MIA2: variants seen among roughly 807,000 people sequenced by gnomAD.
MIA2 encodes MIA SH3 domain ER export factor 2, also known as melanoma inhibitory activity protein 2.
In MIA2, 127 loss-of-function variants were observed where a neutral mutation model predicts 167.8. That is an observed-to-expected ratio of 0.76 (90% CI 0.66 to 0.88). The LOEUF (loss-of-function observed/expected upper bound fraction) is 0.88, where lower values mean the gene tolerates loss of function less well. Ranked by LOEUF, MIA2 falls within the 40% of genes least tolerant of loss-of-function variation. The pLI is 0.00. For missense variants in MIA2, 1,690 were observed against 1,624.7 expected, an observed-to-expected ratio of 1.04 and a Z score of -0.69; for synonymous variants, 552 against 541.9, an observed-to-expected ratio of 1.02 and a Z score of -0.26.
chr14:39,245,557 T>C (rs2054262196), intron 3 of MIA2, among the ~76,000 whole-genome samples: 1 of 152,188 alleles, frequency 6.6e-6, no homozygotes, highest in Admixed American at 6.5e-5. Flanking sequence ...GAAATTCCCC[T>C]CTTAGTCAAT....
intron 23 of MIA2, among the ~76,000 whole-genome samples, chr14:39,362,813 T>G (rs2074716285): frequency 6.6e-6 from 1 of 152,186 alleles, no homozygotes; most frequent in Non-Finnish European, 1.5e-5. Flanking sequence ...AGATGTCTGT[T>G]GCTATAAAAT....
chr14:39,331,659 C>A (rs1380583834), intron 25 of MIA2, among the ~76,000 whole-genome samples: 1 of 152,102 alleles, frequency 6.6e-6, no homozygotes, highest in Non-Finnish European at 1.5e-5. Flanking sequence ...CTGGTGGAGC[C>A]AAAATCCCTA....
chr14:39,284,257 TCA>T (rs1343881758), intron 9 of MIA2, among the ~76,000 whole-genome samples: 1 of 152,218 alleles, frequency 6.6e-6, no homozygotes, highest in Non-Finnish European at 1.5e-5. Flanking sequence ...GAGTTCAGTT[TCA>T]TTCTTTTGCG....
intron 18 of MIA2, among the ~76,000 whole-genome samples, chr14:39,311,261 T>G (rs1250396949): frequency 6.6e-6 from 1 of 152,160 alleles, no homozygotes; most frequent in Non-Finnish European, 1.5e-5. Context: ...TGAAATTCAA[T>G]GAATTATGCC....
chr14:39,246,082 T>TTTATTTATTTATTTA (rs2054292156), intron 3 of MIA2, among the ~76,000 whole-genome samples: 5 of 143,304 alleles, frequency 3.5e-5, no homozygotes, highest in African/African-American at 1.3e-4. Context: ...TTTTAAAAAT[T>TTTATTTATTTATTTA]TTTATTTATT....
intron 25 of MIA2, among the ~76,000 whole-genome samples, chr14:39,334,074 A>T (rs2069652964): frequency 6.6e-6 from 1 of 152,230 alleles, no homozygotes; most frequent in Admixed American, 6.5e-5. Flanking sequence ...CTCTAGCATG[A>T]ATTAGAGTAA....
chr14:39,259,005 G>C (rs148413675), intron 6 of MIA2, among the ~76,000 whole-genome samples: 1 of 152,216 alleles, frequency 6.6e-6, no homozygotes, highest in Non-Finnish European at 1.5e-5. Context: ...TCCTGTATGA[G>C]GTGTCTGTTG....
At chr14:39,239,382 C>T (rs545638195) in intron 2 of MIA2, among the ~76,000 whole-genome samples, 1 of 152,132 alleles carries the variant, frequency 6.6e-6, no homozygotes, top group South Asian at 2.1e-4. Flanking sequence ...TACACACACA[C>T]ACACACACAC....
chr14:39,295,620 C>T (rs796904720), intron 13 of MIA2, among the ~76,000 whole-genome samples: 6 of 152,104 alleles, frequency 3.9e-5, no homozygotes, highest in African/African-American at 1.2e-4. Context: ...AGTGCAGTGG[C>T]GTGATCTCGG....
chr14:39,287,005 C>T (rs575106999), intron 9 of MIA2, among the ~76,000 whole-genome samples: 7 of 152,002 alleles, frequency 4.6e-5, no homozygotes, highest in Non-Finnish European at 7.4e-5. Flanking sequence ...GCATTACAGG[C>T]GTGAGCTACC....
chr14:39,316,078 A>G (rs1305554100), intron 21 of MIA2, among the ~76,000 whole-genome samples: 3 of 152,184 alleles, frequency 2.0e-5, no homozygotes, highest in East Asian at 3.8e-4. Flanking sequence ...TTGTGTAACA[A>G]TGGGATTAGA....
At chr14:39,303,267 C>A (rs1251876109) in intron 15 of MIA2, among the ~76,000 whole-genome samples, 1 of 152,010 alleles carries the variant, frequency 6.6e-6, no homozygotes, top group Non-Finnish European at 1.5e-5. Flanking sequence ...GCTGAAGAAC[C>A]TTGTTAAATG....
chr14:39,261,215 C>T (rs1407873814), intron 6 of MIA2, among the ~76,000 whole-genome samples: 1 of 152,074 alleles, frequency 6.6e-6, no homozygotes, highest in Non-Finnish European at 1.5e-5. Context: ...GTTCAATTCC[C>T]ACCTATGAGT....
intron 25 of MIA2, among the ~76,000 whole-genome samples, chr14:39,341,862 A>G (rs949886935): frequency 2.6e-5 from 4 of 152,180 alleles, no homozygotes; most frequent in Non-Finnish European, 5.9e-5. Context: ...ATATTGATAA[A>G]GCTGTATATA....
intron 25 of MIA2, among the ~76,000 whole-genome samples, chr14:39,334,489 A>G (rs1452830069): frequency 1.3e-5 from 2 of 152,008 alleles, no homozygotes; most frequent in East Asian, 1.9e-4. Context: ...AAATAAAAAA[A>G]TGGTCACTGA....
At chr14:39,366,215 G>T (rs2074819343) in intron 23 of MIA2, among the ~76,000 whole-genome samples, 1 of 152,166 alleles carries the variant, frequency 6.6e-6, no homozygotes, top group Non-Finnish European at 1.5e-5. Context: ...GCCCAGTAGT[G>T]GGAATAGTGA....
Position 39,299,890 on chromosome 14 carries a change from A to G in MIA2, c.2523A>G (p.Lys841=), listed in dbSNP as rs371105681. 8 of 1,606,202 alleles carry G rather than the reference A, an allele frequency of 5.0e-6. No homozygotes were observed. The highest frequency in any genetic ancestry group is 4.0e-5 in the African/African-American group (3 of 74,444). The change falls in exon 14 of 29, where the codon AAA becomes AAG. Residue 841 remains lysine, a synonymous_variant. Coordinates refer to ENST00000640607, the MANE Select transcript of MIA2 (RefSeq NM_001329214.4). ...TTTTGCAAGAAGCTGAAGTATGGAA[A>G]GAACAAGTGAGTGAACTTAATAAAC... The part of the protein sequence containing the change: ...KQLLQEAEVW[K]EQVSELNKQK...
intron 6 of MIA2, among the ~76,000 whole-genome samples, chr14:39,275,368 T>C (rs1330711623): frequency 1.3e-5 from 2 of 152,202 alleles, no homozygotes; most frequent in Non-Finnish European, 2.9e-5. Context: ...CTCAAACTCC[T>C]GGCCTCATGT....
chr14:39,246,343 C>T (rs1485017591), intron 3 of MIA2, among the ~76,000 whole-genome samples: 2 of 151,954 alleles, frequency 1.3e-5, no homozygotes, highest in South Asian at 2.1e-4. Context: ...GCAATCCACC[C>T]GCCTGAGCCT....
Sources: gnomAD v4.1 joint callset for allele counts (sites outside exome capture counted in the v4.1 genomes callset) on GRCh38, gnomAD v4.1.1 for gene constraint, MANE v1.5 for transcripts, NCBI Gene and HGNC (gene_info 2026-07-23, HGNC 2026-07-21) for gene names.